Variants in ROBO2 observed in about 807,000 individuals in gnomAD.
ROBO2 encodes the protein roundabout guidance receptor 2.
In ROBO2, 53 loss-of-function variants were observed where a neutral mutation model predicts 160.8. The ratio of observed to expected loss-of-function variants is 0.33; its 90% confidence interval spans 0.26 to 0.41. The LOEUF is 0.41. Ranked by LOEUF, ROBO2 falls within the 10% of genes least tolerant of loss-of-function variation. The pLI is 1.00. For missense variants in ROBO2, 1,577 were observed against 1,722.4 expected (o/e 0.92, Z 1.49); for synonymous variants, 664 against 611.7 (o/e 1.09, Z -1.26).
intron 2 of ROBO2, among the ~76,000 whole-genome samples, chr3:76,220,650 C>G (rs138257766): frequency 6.6e-6 from 1 of 152,244 alleles, no homozygotes; most frequent in African/African-American, 2.4e-5. Context: ...CACAGATGCA[C>G]TAAGACATTC....
rs536146086 is a variant in ROBO2, at chr3:76,382,679, T to C, written c.109+445077T>C. Among the ~76,000 whole-genome samples, 5 of 152,294 alleles carry C rather than the reference T, an allele frequency of 3.3e-5. No homozygotes were observed. The South Asian group carries it at 1.0e-3, about 32-fold the overall frequency. ...TGTTCAATCTGTTAAAGAAAGGCAA[T>C]GAAGTGAATACTTTAGGGAATGTCT... is the stretch of plus-strand genomic sequence containing the variant. On this transcript the variant is annotated intron_variant, in intron 2 of 26. Transcript: ENST00000487694.
intron 2 of ROBO2, among the ~76,000 whole-genome samples, chr3:75,977,127 T>G (rs1324322183): frequency 6.6e-6 from 1 of 151,524 alleles, no homozygotes; most frequent in Admixed American, 6.6e-5. Flanking sequence ...AAGCAACCAT[T>G]TCAGAGAAAC....
intron 2 of ROBO2, among the ~76,000 whole-genome samples, chr3:77,162,978 C>T (rs780593854): frequency 1.3e-5 from 2 of 149,116 alleles, no homozygotes; most frequent in Non-Finnish European, 3.0e-5. Context: ...CACAAGCATG[C>T]GCCACCATGC....
intron 2 of ROBO2, among the ~76,000 whole-genome samples, chr3:76,074,707 G>A (rs184668371): frequency 6.6e-6 from 1 of 152,110 alleles, no homozygotes; most frequent in Non-Finnish European, 1.5e-5. Flanking sequence ...ATATAAGACT[G>A]TTCATAGTAA....
At position 77,565,136 on chromosome 3, in the gene ROBO2, G is replaced by A. The variant is rs1406441775; in HGVS notation, c.1849+16G>A. The A allele has an allele frequency of 1.9e-6, 3 of 1,613,134 alleles. No individual in the cohort carries two copies. The highest frequency in any genetic ancestry group is 1.1e-5 in the South Asian group (1 of 91,084). ...CGCACACAAGGTACTTTCAACAGCT[G>A]TCAACAAGACTGGTTCTAGGCAGAA... is the stretch of plus-strand genomic sequence containing the variant. On this transcript the variant is annotated intron_variant, in intron 12 of 25. Coordinates refer to ENST00000461745, the Ensembl canonical transcript of ROBO2.
At chr3:77,379,313 G>A (rs1183061241) in intron 2 of ROBO2, among the ~76,000 whole-genome samples, 1 of 152,070 alleles carries the variant, frequency 6.6e-6, no homozygotes, top group African/African-American at 2.4e-5. Context: ...TTGTTAATCT[G>A]CAATACCTTT....
chr3:77,484,144 G>T (rs115755644), intron 4 of ROBO2, among the ~76,000 whole-genome samples: 2,696 of 151,866 alleles, frequency 0.018, 75 homozygotes, highest in African/African-American at 0.06. Flanking sequence ...TAATTAACTG[G>T]GCATTATCAA....
intron 2 of ROBO2, among the ~76,000 whole-genome samples, chr3:77,318,146 C>T (rs1173924470): frequency 1.3e-5 from 2 of 152,182 alleles, no homozygotes; most frequent in East Asian, 1.9e-4. Context: ...CTCCCGAGTT[C>T]AAGCGATTAT....
intron 2 of ROBO2, among the ~76,000 whole-genome samples, chr3:76,732,331 A>G (rs903905731): frequency 6.6e-6 from 1 of 152,194 alleles, no homozygotes; most frequent in African/African-American, 2.4e-5. Flanking sequence ...TGAAATCTTC[A>G]TATGATTTCA....
At chr3:76,172,370 C>G (rs1033143328) in intron 2 of ROBO2, among the ~76,000 whole-genome samples, 2 of 147,028 alleles carry the variant, frequency 1.4e-5, no homozygotes, top group Admixed American at 6.9e-5. Context: ...ACATGGCACA[C>G]ATGTATACAT....
At chr3:76,508,235 T>C (rs960703399) in intron 2 of ROBO2, among the ~76,000 whole-genome samples, 1 of 152,146 alleles carries the variant, frequency 6.6e-6, no homozygotes, top group Non-Finnish European at 1.5e-5. Flanking sequence ...ATTTTTAGTA[T>C]TCCCCTAAAT....
intron 2 of ROBO2, among the ~76,000 whole-genome samples, chr3:76,830,050 TCA>T (rs1214445355): frequency 6.6e-6 from 1 of 152,220 alleles, no homozygotes; most frequent in East Asian, 1.9e-4. Context: ...CCAATCATTC[TCA>T]GTTTCATGTG....
chr3:77,007,503 C>T (rs568263770), intron 2 of ROBO2, among the ~76,000 whole-genome samples: 38 of 152,072 alleles, frequency 2.5e-4, no homozygotes, highest in African/African-American at 8.9e-4. Flanking sequence ...TGCATTTCTT[C>T]GAAAACACAC....
At chr3:76,180,902 C>T (rs542137449) in intron 2 of ROBO2, among the ~76,000 whole-genome samples, 1 of 152,104 alleles carries the variant, frequency 6.6e-6, no homozygotes, top group Non-Finnish European at 1.5e-5. Flanking sequence ...TCAGCCACCC[C>T]ACCTTCCCAC....
At chr3:76,563,271 T>G (rs1578172134) in intron 2 of ROBO2, among the ~76,000 whole-genome samples, 1 of 152,328 alleles carries the variant, frequency 6.6e-6, no homozygotes, top group East Asian at 1.9e-4. Flanking sequence ...TGTGATTTTC[T>G]TAAGTAATCT....
chr3:77,554,060 T>C (rs1250298969), intron 8 of ROBO2, among the ~76,000 whole-genome samples: 1 of 151,934 alleles, frequency 6.6e-6, no homozygotes, highest in African/African-American at 2.4e-5. Context: ...CTCTTGTAAG[T>C]AACTAATGCA....
intron 2 of ROBO2, chr3:77,317,521 C>T: frequency 4.9e-6 from 7 of 1,434,016 alleles, no homozygotes; most frequent in Non-Finnish European, 6.8e-6. Context: ...GTTTTCAAAT[C>T]AAGCTTTATT....
chr3:76,739,738 A>G (rs1045552217), intron 2 of ROBO2, among the ~76,000 whole-genome samples: 4 of 152,150 alleles, frequency 2.6e-5, no homozygotes, highest in African/African-American at 7.2e-5. Context: ...GTAGAGTTTG[A>G]CTTTCATGAC....
intron 2 of ROBO2, among the ~76,000 whole-genome samples, chr3:77,395,335 C>G (rs773941440): frequency 1.3e-5 from 2 of 152,078 alleles, no homozygotes; most frequent in African/African-American, 2.4e-5. Flanking sequence ...GGTGGGGGAA[C>G]AGCAGGTAGC....
Sources: gnomAD v4.1 joint callset for allele counts (sites outside exome capture counted in the v4.1 genomes callset) on GRCh38, gnomAD v4.1.1 for gene constraint, MANE v1.5 for transcripts, NCBI Gene and HGNC (gene_info 2026-07-23, HGNC 2026-07-21) for gene names.